ANKHD1: variants seen among roughly 807,000 people sequenced by gnomAD.
The protein encoded by ANKHD1 is ankyrin repeat and KH domain containing 1, also known as ankyrin repeat and KH domain-containing protein 1.
Under a neutral mutation model 230.5 loss-of-function variants are expected in ANKHD1, and 31 were observed. The ratio of observed to expected loss-of-function variants is 0.13; its 90% CI spans 0.10 to 0.18. The LOEUF (loss-of-function observed/expected upper bound fraction) is 0.18, where lower values mean the gene tolerates loss of function less well. ANKHD1 is among the 10% of genes least tolerant of loss of function. The pLI is 1.00. For synonymous variants in ANKHD1, 1,074 were observed against 1,117.6 expected (o/e 0.96, Z 0.78); for missense variants, 2,256 against 3,071.3 (o/e 0.73, Z 6.27).
intron 26 of ANKHD1, 31 bp from the exon 27 acceptor site, chr5:140,526,897 T>G: frequency 6.3e-7 from 1 of 1,589,654 alleles, no homozygotes; most frequent in Non-Finnish European, 8.5e-7. Context: ...AAACTTATCT[T>G]TTATTGTACT....
Position 140,496,963 on chromosome 5 carries a change from C to T in ANKHD1, c.2689C>T (p.Pro897Ser). Residue 897 changes from proline (P) to serine (S), a missense_variant, in exon 15 of 34, where the codon CCT becomes TCT. Physicochemically the swap from Pro to Ser is moderately conservative, Grantham distance 74. Around this residue, in one of 13 missense-constraint regions of ANKHD1, gnomAD observed 358 missense variants for 397.7 expected, o/e 0.90. Transcript: ENST00000360839. ...SLPEDHFSELPQVDTILFKDN... is the reference protein window; with the variant it reads ...SLPEDHFSELSQVDTILFKDN... ...CCCAGAGGATCACTTTTCAGAGTTA[C>T]CTCAGGTTGACACAATCTTATTTAA... 3 of 1,614,078 alleles carry T rather than the reference C, an allele frequency of 1.9e-6. No homozygotes were observed. The highest frequency in any genetic ancestry group is 2.5e-6 in the Non-Finnish European group (3 of 1,179,984).
chr5:140,401,957 G>C lies in ANKHD1; in HGVS notation c.-11G>C. 1 of 1,565,846 alleles carries C rather than the reference G, an allele frequency of 6.4e-7. No individual in the cohort carries two copies. Among genetic ancestry groups the C allele is most frequent in the African/African-American group, 1.4e-5 (1 of 70,876 alleles). On this transcript the variant is annotated 5_prime_UTR_variant, in exon 1 of 34. Coordinates refer to ENST00000360839, the MANE Select transcript of ANKHD1 (RefSeq NM_017747.3). ...GTGGGTCGGCACCGTCTCCGGCTCC[G>C]GGTGCGAACAATGCTGACTGATAGC...
chr5:140,533,775 C>CAAAAAAA (rs1167136822), intron 29 of ANKHD1, among the ~76,000 whole-genome samples: 3 of 29,652 alleles, frequency 1.0e-4, no homozygotes, highest in Non-Finnish European at 2.2e-4. Context: ...GACCCTGTCT[C>CAAAAAAA]AAAAAAAAAA....
intron 24 of ANKHD1, among the ~76,000 whole-genome samples, chr5:140,523,249 G>A (rs1753442745): frequency 1.3e-5 from 2 of 150,892 alleles, no homozygotes; most frequent in African/African-American, 2.4e-5. Context: ...TGGGACTACA[G>A]GCATAGGTCA....
At chr5:140,497,349 A>G (rs1410848760) in intron 15 of ANKHD1, 71 bp downstream of exon 15, 1 of 1,504,754 alleles carries the variant, frequency 6.6e-7, no homozygotes, top group Non-Finnish European at 8.8e-7. Context: ...ATACCCCTCC[A>G]AAAACGTAGA....
intron 1 of ANKHD1, among the ~76,000 whole-genome samples, chr5:140,426,227 T>C (rs898513519): frequency 2.6e-5 from 4 of 152,176 alleles, no homozygotes; most frequent in African/African-American, 9.7e-5. Flanking sequence ...CCTCCTATGC[T>C]CAAGCAATTC....
Position 140,539,475 on chromosome 5 carries a change from C to T in ANKHD1, c.*57C>T. ...AAGAAACCTATGACCTTGGAAGAAC[C>T]ATGGGGATTTTTTTTTAATGTGCCT... On this transcript the variant is annotated 3_prime_UTR_variant, in exon 34 of 34. Transcript: ENST00000360839. The T allele has an allele frequency of 6.5e-7, 1 of 1,532,970 alleles. No homozygotes were observed. Among genetic ancestry groups the T allele is most frequent in the South Asian group, 1.3e-5 (1 of 79,434 alleles). The allele number at this position is 1,532,970 out of a possible 1,614,324, so 95.0% of individuals were successfully genotyped here. A position where few individuals can be genotyped will look rare whatever the true frequency, so the allele number is the denominator to read the frequency against.
chr5:140,426,443 T>C (rs919867398), intron 1 of ANKHD1, among the ~76,000 whole-genome samples: 8 of 152,324 alleles, frequency 5.3e-5, no homozygotes, highest in African/African-American at 1.9e-4. Context: ...AGCTTTATTT[T>C]TGAAGGTTGG....
At chr5:140,537,670 A>C in intron 31 of ANKHD1, 81 bp downstream of exon 31, 9 of 1,455,838 alleles carry the variant, frequency 6.2e-6, no homozygotes, top group Non-Finnish European at 8.2e-6. Context: ...TCCTTAGAAA[A>C]AACAAACAAA....
intron 1 of ANKHD1, 133 bp from the exon 2 acceptor site, chr5:140,435,971 C>T: frequency 3.3e-6 from 4 of 1,194,948 alleles, no homozygotes; most frequent in Non-Finnish European, 4.4e-6. Flanking sequence ...CATTCCCATA[C>T]TCCCTTGTTT....
chr5:140,491,310 C>A (rs1259518445), intron 14 of ANKHD1, among the ~76,000 whole-genome samples: 1 of 150,336 alleles, frequency 6.7e-6, no homozygotes, highest in African/African-American at 2.4e-5. Flanking sequence ...ACTACAGGTG[C>A]CCTGCCACTA....
intron 10 of ANKHD1, chr5:140,472,235 G>T (rs773539560): frequency 5.6e-6 from 9 of 1,609,476 alleles, no homozygotes; most frequent in South Asian, 1.1e-5. Flanking sequence ...TTTTCCTTTC[G>T]CAGGACAAGC....
intron 1 of ANKHD1, among the ~76,000 whole-genome samples, chr5:140,408,270 G>C (rs1036768637): frequency 1.3e-5 from 2 of 152,124 alleles, no homozygotes; most frequent in African/African-American, 4.8e-5. Flanking sequence ...AAGTAAAAGT[G>C]CTTCTTCCCA....
chr5:140,503,892 A>G (rs1752428080), intron 15 of ANKHD1, among the ~76,000 whole-genome samples: 1 of 151,640 alleles, frequency 6.6e-6, no homozygotes, highest in Non-Finnish European at 1.5e-5. Context: ...CAGTTTTCAA[A>G]CCACATTTTG....
At chr5:140,461,506 C>T (rs973146083) in intron 9 of ANKHD1, among the ~76,000 whole-genome samples, 1 of 152,202 alleles carries the variant, frequency 6.6e-6, no homozygotes, top group Middle Eastern at 3.4e-3. Context: ...ACAAATTTAA[C>T]AACCTTTTTG....
At chr5:140,501,782 C>T (rs554411052) in intron 15 of ANKHD1, among the ~76,000 whole-genome samples, 3 of 151,890 alleles carry the variant, frequency 2.0e-5, no homozygotes, top group Admixed American at 1.3e-4. Flanking sequence ...TTTATGTACA[C>T]CTAGTATCAG....
At chr5:140,425,688 A>T (rs555237827) in intron 1 of ANKHD1, among the ~76,000 whole-genome samples, 13 of 152,232 alleles carry the variant, frequency 8.5e-5, no homozygotes, top group African/African-American at 3.1e-4. Context: ...GTATTTTAAG[A>T]TGTTTTTGCT....
At chr5:140,496,370 C>A in intron 14 of ANKHD1, 150 bp from the exon 15 acceptor site, 1 of 786,790 alleles carries the variant, frequency 1.3e-6, no homozygotes, top group Non-Finnish European at 1.8e-6. Flanking sequence ...TGACTCTGAA[C>A]ATTCATTCTA....
At chr5:140,490,639 G>A (rs929320546) in intron 14 of ANKHD1, among the ~76,000 whole-genome samples, 6 of 152,148 alleles carry the variant, frequency 3.9e-5, no homozygotes, top group African/African-American at 9.7e-5. Context: ...ATGTAAATCC[G>A]TTGCCTTGTT....
Sources: allele counts gnomAD v4.1 joint callset (sites outside exome capture counted in the v4.1 genomes callset), GRCh38; gene constraint gnomAD v4.1.1; regional missense constraint gnomAD v4.1.1; transcripts MANE v1.5; gene names NCBI Gene and HGNC (gene_info 2026-07-23, HGNC 2026-07-21).